TFPI: variants seen among roughly 807,000 people sequenced by gnomAD.
The protein encoded by TFPI is anti-convertin.
In TFPI, 15 loss-of-function variants were observed where a neutral mutation model predicts 34.6. The ratio of observed to expected loss-of-function variants is 0.43; its 90% CI spans 0.29 to 0.67. The LOEUF (loss-of-function observed/expected upper bound fraction) is 0.67. TFPI is among the 30% of genes least tolerant of loss of function. The probability of loss-of-function intolerance (pLI) is 0.15; values close to 1 mark genes in which losing one functional copy is unlikely to be tolerated. For missense variants in TFPI, 301 were observed against 364.0 expected, an observed-to-expected ratio of 0.83 and a Z score of 1.41; for synonymous variants, 105 against 120.1, an observed-to-expected ratio of 0.87 and a Z score of 0.82.
At chr2:187,508,371 T>C (rs922645179) in intron 1 of TFPI, among the ~76,000 whole-genome samples, 1 of 152,230 alleles carries the variant, frequency 6.6e-6, no homozygotes, top group Non-Finnish European at 1.5e-5. Flanking sequence ...GGTAGCTTAA[T>C]TGGGATAGCA....
intron 6 of TFPI, among the ~76,000 whole-genome samples, chr2:187,479,546 C>CATATAT (rs35837997): frequency 1.6e-3 from 104 of 63,290 alleles, no homozygotes; most frequent in South Asian, 2.4e-3. Context: ...ATATCACGTT[C>CATATAT]ATATATATAT....
intron 1 of TFPI, among the ~76,000 whole-genome samples, chr2:187,534,710 C>T (rs1452505981): frequency 1.3e-5 from 2 of 152,074 alleles, no homozygotes; most frequent in Admixed American, 6.6e-5. Flanking sequence ...ATCAAATTCA[C>T]ACATAGCAAT....
At chr2:187,507,893 T>A (rs13028645) in intron 1 of TFPI, among the ~76,000 whole-genome samples, 34,683 of 152,158 alleles carry the variant, frequency 0.23, 4,186 homozygotes, top group Middle Eastern at 0.3. Context: ...CCCATACCTA[T>A]GTCCTGAATG....
chr2:187,500,005 G>T (rs561268217), intron 2 of TFPI, among the ~76,000 whole-genome samples: 2 of 152,158 alleles, frequency 1.3e-5, no homozygotes, highest in African/African-American at 4.8e-5. Flanking sequence ...ACTAATTGAT[G>T]ATTTTTCTAC....
chr2:187,486,170 A>G (rs1000793264), intron 4 of TFPI, among the ~76,000 whole-genome samples: 1 of 151,684 alleles, frequency 6.6e-6, no homozygotes, highest in East Asian at 1.9e-4. Flanking sequence ...TTGATCTTTC[A>G]AATGAATGTT....
intron 1 of TFPI, among the ~76,000 whole-genome samples, chr2:187,520,816 T>C (rs1222430449): frequency 1.3e-5 from 2 of 152,164 alleles, no homozygotes; most frequent in Non-Finnish European, 2.9e-5. Flanking sequence ...CTTTATGTTA[T>C]AATTCACTAT....
At position 187,522,729 on chromosome 2, in the gene TFPI, A is replaced by AC. The variant is rs1173627145; in HGVS notation, c.-2-18960_-2-18959insG. Among the ~76,000 whole-genome samples the AC allele has an allele frequency of 7.8e-3, 1,127 of 145,356 alleles. 6 individuals are homozygous for AC. Among genetic ancestry groups the AC allele is most frequent in the African/African-American group, 0.011 (431 of 39,392 alleles). On this transcript the variant is annotated intron_variant, in intron 1 of 7. Coordinates refer to ENST00000233156, the MANE Select transcript of TFPI (RefSeq NM_006287.6). ...AAACCCCGTCTCTACTAAAAATACA[A>AC]AAAAAAAAAAAAAAACCCAGGCACG...
intron 6 of TFPI, among the ~76,000 whole-genome samples, chr2:187,477,600 C>T (rs8176535): frequency 0.018 from 2,668 of 152,178 alleles, 74 homozygotes; most frequent in African/African-American, 0.061. Flanking sequence ...TATTCCTCTA[C>T]ATGCAATCAC....
chr2:187,547,524 G>A (rs1053198381), intron 1 of TFPI: 2 of 152,096 alleles, frequency 1.3e-5, no homozygotes, highest in South Asian at 4.1e-4. Flanking sequence ...AGCTGTTGGT[G>A]ACTACAACCA....
chr2:187,520,636 T>C (rs923383629), intron 1 of TFPI: 2 of 152,018 alleles, frequency 1.3e-5, no homozygotes, highest in Non-Finnish European at 2.9e-5. Context: ...AGAAAGTCAC[T>C]ACATATAGCC....
intron 1 of TFPI, among the ~76,000 whole-genome samples, chr2:187,538,710 A>G (rs547406315): frequency 6.6e-6 from 1 of 152,328 alleles, no homozygotes; most frequent in Non-Finnish European, 1.5e-5. Flanking sequence ...TATTCTGCAC[A>G]TGTACCCCAG....
intron 3 of TFPI, among the ~76,000 whole-genome samples, chr2:187,489,261 T>C (rs1684938485): frequency 6.6e-6 from 1 of 151,516 alleles, no homozygotes; most frequent in Non-Finnish European, 1.5e-5. Context: ...TGCATCATCC[T>C]TTTTTTCTTG....
chr2:187,469,954 A>G (rs997000160), intron 6 of TFPI, among the ~76,000 whole-genome samples: 1 of 152,158 alleles, frequency 6.6e-6, no homozygotes, highest in Non-Finnish European at 1.5e-5. Context: ...TGTAGAATAT[A>G]AAATGATTAT....
chr2:187,484,430 G>A (rs1235226202), intron 5 of TFPI: 1 of 547,260 alleles, frequency 1.8e-6, no homozygotes, highest in East Asian at 3.0e-5. Context: ...AGCAGTTAAT[G>A]TTTAAGTCAT....
chr2:187,491,508 T>C (rs756251171), intron 3 of TFPI, among the ~76,000 whole-genome samples: 1 of 152,156 alleles, frequency 6.6e-6, no homozygotes, highest in African/African-American at 2.4e-5. Flanking sequence ...TCCATGCTGC[T>C]ATAAAAGACA....
intron 2 of TFPI, among the ~76,000 whole-genome samples, chr2:187,502,858 A>G (rs1685943433): frequency 6.6e-6 from 1 of 152,218 alleles, no homozygotes; most frequent in South Asian, 2.1e-4. Flanking sequence ...CACTGAACAC[A>G]GTCATTTTAA....
At chr2:187,473,668 C>G (rs1692188920) in intron 6 of TFPI, among the ~76,000 whole-genome samples, 1 of 151,584 alleles carries the variant, frequency 6.6e-6, no homozygotes, top group Non-Finnish European at 1.5e-5. Context: ...TAAACTTGTC[C>G]CTCTCTCTGT....
chr2:187,520,335 A>G (rs371381804), intron 1 of TFPI, among the ~76,000 whole-genome samples: 2 of 152,114 alleles, frequency 1.3e-5, no homozygotes, highest in African/African-American at 2.4e-5. Flanking sequence ...AAAGCATCGT[A>G]TCTAGGCTAG....
intron 1 of TFPI, among the ~76,000 whole-genome samples, chr2:187,524,174 C>T (rs1223631473): frequency 6.6e-6 from 1 of 151,776 alleles, no homozygotes; most frequent in African/African-American, 2.4e-5. Context: ...TTTGCTGTTT[C>T]TACTTTTTGC....
Sources: allele counts gnomAD v4.1 joint callset (sites outside exome capture counted in the v4.1 genomes callset), GRCh38; gene constraint gnomAD v4.1.1; transcripts MANE v1.5; gene names NCBI Gene and HGNC (gene_info 2026-07-23, HGNC 2026-07-21).